The following SLC35F3 variants were observed in gnomAD, a reference collection of about 807,000 sequenced individuals.
The protein encoded by SLC35F3 is solute carrier family 35 member F3, also known as putative thiamine transporter SLC35F3.
In SLC35F3, 25 loss-of-function variants were observed where a neutral mutation model predicts 49.9. The ratio of observed to expected loss-of-function variants is 0.50; its 90% CI spans 0.37 to 0.70. SLC35F3 has a LOEUF of 0.70. Ranked by LOEUF, SLC35F3 falls within the 30% of genes least tolerant of loss-of-function variation. The probability of loss-of-function intolerance (pLI) is 0.00; values close to 1 mark genes in which losing one functional copy is unlikely to be tolerated. For synonymous variants in SLC35F3, 275 were observed against 265.4 expected (o/e 1.04, Z -0.35); for missense variants, 525 against 639.8 (o/e 0.82, Z 1.94).
chr1:233,947,751 G>GGA lies in SLC35F3; in HGVS notation c.283+42012_283+42013dup, dbSNP rs149887381. Among the ~76,000 whole-genome samples, 832 of 146,960 alleles carry GGA rather than the reference G, an allele frequency of 5.7e-3. 12 individuals are homozygous for GGA. Among genetic ancestry groups the GGA allele is most frequent in the African/African-American group, 0.017 (704 of 40,286 alleles). ...ATACTCCCTGGGACAGTAAGAGGGA[G>GGA]GAGAGAGAGAGAGAGAGAGAAGAGA... On this transcript the variant is annotated intron_variant, in intron 2 of 7. Coordinates refer to ENST00000366618, the MANE Select transcript of SLC35F3 (RefSeq NM_173508.4).
chr1:233,962,875 G>T (rs1662827365), intron 2 of SLC35F3, among the ~76,000 whole-genome samples: 2 of 152,156 alleles, frequency 1.3e-5, no homozygotes, highest in Admixed American at 1.3e-4. Context: ...TTTTGGCATG[G>T]CAGTGATGAA....
In SLC35F3 at chr1:234,323,389, G is replaced by C; in HGVS notation, c.*146G>C. 1.5e-6 allele frequency: 1 copy of C among 666,534 alleles called. No individual in the cohort carries two copies. The highest frequency in any genetic ancestry group is 2.7e-5 in the East Asian group (1 of 36,538). The allele number at this position is 666,534 out of a possible 1,614,324, so 41.3% of individuals were successfully genotyped here. On this transcript the variant is annotated 3_prime_UTR_variant, in exon 8 of 8. Transcript: ENST00000366618. This position sits in a 1 kb window ranked among gnomAD's most constrained non-coding sequence, Gnocchi z 4.5. ...ATTTATTGGCATGTCCAATTTGCTT[G>C]CACTTTTCCACATCAGACCTTCCAC...
intron 2 of SLC35F3, among the ~76,000 whole-genome samples, chr1:234,225,779 G>C (rs930707233): frequency 3.9e-5 from 6 of 152,220 alleles, no homozygotes; most frequent in African/African-American, 1.4e-4. Flanking sequence ...AAAGCAATCT[G>C]CATGTCCATC....
intron 3 of SLC35F3, chr1:234,306,446 C>G (rs1196722469): frequency 6.5e-6 from 1 of 153,204 alleles, no homozygotes; most frequent in Non-Finnish European, 1.5e-5. Context: ...TGTGAGCCAC[C>G]GCTGCCGGCC....
intron 2 of SLC35F3, among the ~76,000 whole-genome samples, chr1:234,207,515 T>C (rs1026050351): frequency 1.5e-4 from 3 of 20,374 alleles, no homozygotes; most frequent in African/African-American, 3.5e-4. Flanking sequence ...ATGGTTAAGA[T>C]CTTTGTAGGC....
chr1:234,236,548 G>A (rs1667473101), intron 3 of SLC35F3, among the ~76,000 whole-genome samples: 1 of 152,138 alleles, frequency 6.6e-6, no homozygotes, highest in African/African-American at 2.4e-5. Flanking sequence ...ACAGTAGCCT[G>A]GATAAAGGAC....
At chr1:234,220,567 A>G (rs535513) in intron 2 of SLC35F3, among the ~76,000 whole-genome samples, 84,963 of 152,024 alleles carry the variant, frequency 0.56, 27,088 homozygotes, top group African/African-American at 0.86. Flanking sequence ...CCACTGTGCA[A>G]TGAGGACTTG....
intron 2 of SLC35F3, among the ~76,000 whole-genome samples, chr1:233,954,530 G>A (rs1319626141): frequency 2.0e-5 from 3 of 152,218 alleles, no homozygotes; most frequent in Admixed American, 1.3e-4. Flanking sequence ...CTTCTGGCAA[G>A]CAACTCAATC....
chr1:233,928,691 G>A (rs1187906812), intron 2 of SLC35F3, among the ~76,000 whole-genome samples: 1 of 152,150 alleles, frequency 6.6e-6, no homozygotes, highest in African/African-American at 2.4e-5. Flanking sequence ...TATTATTGTT[G>A]AAAGTCTTGA....
chr1:234,081,904 A>ATTTTTTTTTTTTTTTTTTTGTTT (rs1664882038), intron 2 of SLC35F3, among the ~76,000 whole-genome samples: 1 of 39,214 alleles, frequency 2.6e-5, no homozygotes, highest in African/African-American at 1.3e-4. Context: ...TGCCTGGCTA[A>ATTTTTTTTTTTTTTTTTTTGTTT]TTTTTTTTTT....
At chr1:233,948,033 AT>A (rs561308932) in intron 2 of SLC35F3, among the ~76,000 whole-genome samples, 34 of 150,762 alleles carry the variant, frequency 2.3e-4, no homozygotes, top group Non-Finnish European at 4.3e-4. Context: ...AGGAAAAATT[AT>A]TTAAAAAAAA....
intron 3 of SLC35F3, among the ~76,000 whole-genome samples, chr1:234,304,359 C>T (rs1468193016): frequency 3.3e-5 from 5 of 152,084 alleles, no homozygotes; most frequent in Non-Finnish European, 5.9e-5. Flanking sequence ...GGCAGGGTTT[C>T]ACCATATTGG....
Position 234,309,084 on chromosome 1 carries a change from C to G in SLC35F3, c.609-17C>G. 3 of 1,609,016 alleles carry G rather than the reference C, an allele frequency of 1.9e-6. No homozygotes were observed. Among genetic ancestry groups the G allele is most frequent in the Non-Finnish European group, 2.6e-6 (3 of 1,176,266 alleles). ...ACCCAGGAAAATAATAACGATGCCT[C>G]TCTTTCCTTGTTTTAGGGAATGCTG... On this transcript the variant is annotated splice_polypyrimidine_tract_variant and intron_variant, in intron 3 of 7. Coordinates refer to ENST00000366618, the MANE Select transcript of SLC35F3 (RefSeq NM_173508.4).
intron 2 of SLC35F3, among the ~76,000 whole-genome samples, chr1:234,157,610 C>A (rs1438287301): frequency 6.6e-6 from 1 of 152,166 alleles, no homozygotes. Flanking sequence ...TTTCAGCATC[C>A]ATGTCTTCAC....
At chr1:233,922,486 C>CTTTTTTTTT (rs35271789) in intron 2 of SLC35F3, among the ~76,000 whole-genome samples, 3 of 112,340 alleles carry the variant, frequency 2.7e-5, no homozygotes, top group Non-Finnish European at 3.7e-5. Flanking sequence ...TTTTGATGGC[C>CTTTTTTTTT]TTTTTTTTTT....
At chr1:234,108,227 T>A (rs1359108669) in intron 2 of SLC35F3, among the ~76,000 whole-genome samples, 2 of 121,370 alleles carry the variant, frequency 1.6e-5, no homozygotes, top group Non-Finnish European at 3.3e-5. Flanking sequence ...ATAAAAGATA[T>A]ATATATTTAT....
chr1:234,192,833 C>T (rs1572089042), intron 2 of SLC35F3, among the ~76,000 whole-genome samples: 2 of 152,068 alleles, frequency 1.3e-5, no homozygotes, highest in East Asian at 3.8e-4. Flanking sequence ...AGAACTCGAC[C>T]CTTTTTACAA....
intron 2 of SLC35F3, among the ~76,000 whole-genome samples, chr1:234,119,035 C>T (rs1475010472): frequency 6.6e-6 from 1 of 152,072 alleles, no homozygotes; most frequent in African/African-American, 2.4e-5. Flanking sequence ...GGCAGGAACC[C>T]ATCACACCTC....
At chr1:233,943,737 G>C (rs1385175207) in intron 2 of SLC35F3, among the ~76,000 whole-genome samples, 2 of 152,184 alleles carry the variant, frequency 1.3e-5, no homozygotes, top group Non-Finnish European at 2.9e-5. Context: ...GGTGTAAAAA[G>C]ATAAACCTTG....
Sources: gnomAD v4.1 joint callset for allele counts (sites outside exome capture counted in the v4.1 genomes callset) on GRCh38, gnomAD v4.1.1 for gene constraint, Gnocchi (gnomAD v3.1) non-coding constraint, MANE v1.5 for transcripts, NCBI Gene and HGNC (gene_info 2026-07-23, HGNC 2026-07-21) for gene names.